Variants in RBFOX1 observed in about 807,000 individuals in gnomAD.
The protein encoded by RBFOX1 is RNA binding protein fox-1 homolog 1.
RBFOX1 carries 8 observed loss-of-function variants against 57.7 expected under a neutral mutation model. The observed-to-expected ratio is 0.14, with a 90% CI of 0.08 to 0.25. RBFOX1 has a LOEUF of 0.25. RBFOX1 is among the 10% of genes least tolerant of loss of function. The probability of loss-of-function intolerance (pLI) is 1.00; values close to 1 mark genes in which losing one functional copy is unlikely to be tolerated. For synonymous variants in RBFOX1, 326 were observed against 222.4 expected (o/e 1.47, Z -4.15); for missense variants, 611 against 548.5 (o/e 1.11, Z -1.14).
intron 1 of RBFOX1, among the ~76,000 whole-genome samples, chr16:6,230,152 C>T (rs552668050): frequency 6.6e-6 from 1 of 152,004 alleles, no homozygotes; most frequent in South Asian, 2.1e-4. Context: ...TAGCTTTTCC[C>T]TTTGCAAAAA....
At chr16:6,717,608 A>G (rs533087567) in intron 3 of RBFOX1, among the ~76,000 whole-genome samples, 14 of 151,288 alleles carry the variant, frequency 9.3e-5, no homozygotes, top group Admixed American at 4.6e-4. Context: ...ACCCAGAAAT[A>G]CGGTGATTTT....
intron 4 of RBFOX1, among the ~76,000 whole-genome samples, chr16:7,255,198 A>G (rs2094629009): frequency 6.6e-6 from 1 of 152,212 alleles, no homozygotes; most frequent in Admixed American, 6.5e-5. Flanking sequence ...GAGGGTAGAG[A>G]TATGACTTGC....
chr16:7,058,378 A>G (rs2053141232), intron 4 of RBFOX1, among the ~76,000 whole-genome samples: 1 of 152,198 alleles, frequency 6.6e-6, no homozygotes, highest in Admixed American at 6.5e-5. Context: ...GCCCCAGAGC[A>G]TCTCTTTGCA....
intron 2 of RBFOX1, among the ~76,000 whole-genome samples, chr16:6,428,518 T>C (rs1827217579): frequency 6.6e-6 from 1 of 152,166 alleles, no homozygotes. Context: ...GTGCTTTCTG[T>C]GCCTTGATTT....
chr16:5,991,643 TAG>T (rs1567229389), intron 4 of RBFOX1, among the ~76,000 whole-genome samples: 9 of 88,080 alleles, frequency 1.0e-4, no homozygotes, highest in Non-Finnish European at 2.0e-4. Flanking sequence ...AATTATTAGA[TAG>T]TTTTTTTTTT....
At chr16:5,242,152 A>G (rs1455867044) in intron 1 of RBFOX1, among the ~76,000 whole-genome samples, 1 of 152,116 alleles carries the variant, frequency 6.6e-6, no homozygotes, top group African/African-American at 2.4e-5. Flanking sequence ...CAGACCCACA[A>G]GTGTCTTAAG....
intron 1 of RBFOX1, among the ~76,000 whole-genome samples, chr16:5,455,009 TTCTTTCTTTCTTTC>T (rs2068582431): frequency 1.7e-5 from 2 of 114,338 alleles, no homozygotes; most frequent in Admixed American, 2.0e-4. Flanking sequence ...CTTTCTTTCT[TTCTTTCTTTCTTTC>T]TCTCTCTCTG....
rs1404052785 is a variant in RBFOX1, at chr16:5,257,489, T to A, written c.219+17384T>A. Among the ~76,000 whole-genome samples, 4 of 152,222 alleles carry A rather than the reference T, an allele frequency of 2.6e-5. No homozygotes were observed. In the East Asian group the frequency reaches 7.7e-4, roughly 29 times the overall value. Reference sequence around the variant, plus strand: ...TTTCTTCCCATCCTTTTCCTTGTTCTGCCTCTCTCCTCCTCTCCAAGAGAT... The same window carrying A: ...TTTCTTCCCATCCTTTTCCTTGTTCAGCCTCTCTCCTCCTCTCCAAGAGAT... On this transcript the variant is annotated intron_variant, in intron 1 of 2. Coordinates refer to the RBFOX1 transcript ENST00000585867.
At chr16:6,009,802 A>ATGTGTGTGTGTGTGTGTG (rs753032432) in intron 4 of RBFOX1, among the ~76,000 whole-genome samples, 6 of 58,562 alleles carry the variant, frequency 1.0e-4, no homozygotes, top group African/African-American at 2.6e-4. Flanking sequence ...CAGTGTGTGT[A>ATGTGTGTGTGTGTGTGTG]TGTGTGTGTG....
intron 3 of RBFOX1, among the ~76,000 whole-genome samples, chr16:5,644,180 C>T (rs2048972475): frequency 6.6e-6 from 1 of 151,962 alleles, no homozygotes; most frequent in Admixed American, 6.6e-5. Context: ...TAATTTTAGC[C>T]CCTTGTAGAG....
intron 4 of RBFOX1, among the ~76,000 whole-genome samples, chr16:7,071,639 G>T (rs1567153167): frequency 6.7e-6 from 1 of 148,692 alleles, no homozygotes; most frequent in African/African-American, 2.5e-5. Flanking sequence ...ACATAACCTG[G>T]GTAATTTATA....
chr16:5,649,285 C>T (rs369954854), intron 3 of RBFOX1, among the ~76,000 whole-genome samples: 1 of 152,184 alleles, frequency 6.6e-6, no homozygotes, highest in African/African-American at 2.4e-5. Context: ...TCTCTTGTCT[C>T]ACCCTCCCAA....
At chr16:7,476,947 C>A (rs536800644) in intron 4 of RBFOX1, among the ~76,000 whole-genome samples, 1 of 152,306 alleles carries the variant, frequency 6.6e-6, no homozygotes, top group South Asian at 2.1e-4. Flanking sequence ...CTCATCCTCA[C>A]CCCTCCATCA....
At chr16:5,722,535 A>T (rs921139913) in intron 3 of RBFOX1, among the ~76,000 whole-genome samples, 1 of 152,120 alleles carries the variant, frequency 6.6e-6, no homozygotes. Context: ...GGGGCATTCA[A>T]AGACACCTGA....
intron 5 of RBFOX1, among the ~76,000 whole-genome samples, chr16:7,568,987 C>G (rs2092465686): frequency 6.6e-6 from 1 of 150,756 alleles, no homozygotes; most frequent in African/African-American, 2.4e-5. Context: ...GATGGAGTTG[C>G]TTTCATTCTC....
intron 12 of RBFOX1, among the ~76,000 whole-genome samples, chr16:7,663,395 G>C (rs2068289711): frequency 6.6e-6 from 1 of 152,084 alleles, no homozygotes; most frequent in Admixed American, 6.5e-5. Context: ...ACATTTTTAA[G>C]GACAATGGTA....
At chr16:7,318,237 T>A (rs1014803831) in intron 4 of RBFOX1, among the ~76,000 whole-genome samples, 1 of 151,062 alleles carries the variant, frequency 6.6e-6, no homozygotes, top group Non-Finnish European at 1.5e-5. Flanking sequence ...GGTAATGGAG[T>A]TGGGATAGTG....
intron 1 of RBFOX1, among the ~76,000 whole-genome samples, chr16:5,295,128 G>T (rs1268480404): frequency 1.3e-5 from 2 of 151,554 alleles, no homozygotes. Flanking sequence ...AATACATTTG[G>T]TATATGTAGC....
intron 5 of RBFOX1, among the ~76,000 whole-genome samples, chr16:7,567,628 T>G (rs1346502341): frequency 4.3e-4 from 27 of 62,508 alleles, no homozygotes; most frequent in Non-Finnish European, 6.7e-4. Flanking sequence ...CCTATATATA[T>G]ATATATATCC....
Sources: gnomAD v4.1 joint callset for allele counts (sites outside exome capture counted in the v4.1 genomes callset) on GRCh38, gnomAD v4.1.1 for gene constraint, MANE v1.5 for transcripts, NCBI Gene and HGNC (gene_info 2026-07-23, HGNC 2026-07-21) for gene names.